Variants in FGFR3 observed in about 807,000 individuals in gnomAD.
FGFR3 encodes the protein fibroblast growth factor receptor 3.
Under a neutral mutation model 82.9 loss-of-function variants are expected in FGFR3, and 25 were observed. The observed-to-expected ratio is 0.30, with a 90% confidence interval of 0.22 to 0.42. The LOEUF is 0.42. FGFR3 is among the 10% of genes least tolerant of loss of function. The pLI is 1.00. For synonymous variants in FGFR3, 620 were observed against 516.0 expected, an observed-to-expected ratio of 1.20 and a Z score of -2.73; for missense variants, 1,026 against 1,161.0, an observed-to-expected ratio of 0.88 and a Z score of 1.69.
In FGFR3 at chr4:1,799,250, A is replaced by G. The variant is rs1720893959; in HGVS notation, c.110-4A>G. The G allele has an allele frequency of 1.9e-6, 3 of 1,612,236 alleles. No individual in the cohort carries two copies. Among genetic ancestry groups the G allele is most frequent in the Non-Finnish European group, 2.5e-6 (3 of 1,179,926 alleles). On this transcript the variant is annotated splice_polypyrimidine_tract_variant and splice_region_variant and intron_variant, in intron 2 of 17. Transcript: ENST00000440486. ...TGCCTCATGGTTGCCCATCTTCCCCACAGAAGTCCCGGGCCCAGAGCCCGG... is the reference window on the plus strand; with the variant it reads ...TGCCTCATGGTTGCCCATCTTCCCCGCAGAAGTCCCGGGCCCAGAGCCCGG...
intron 7 of FGFR3, 97 bp from the exon 8 acceptor site, chr4:1,803,595 G>A (rs879076484): frequency 1.8e-5 from 28 of 1,535,240 alleles, no homozygotes; most frequent in South Asian, 8.3e-5. Context: ...TGGTGGCGGC[G>A]TTTTCCTTGC....
Position 1,805,460 on chromosome 4 carries a change from C to T in FGFR3, c.1518C>T (p.Ala506=), listed in dbSNP as rs147823561. The part of the protein sequence containing the change: ...KDRAAKPVTV[A]VKMLKDDATD... ...GGGCCGCCAAGCCTGTCACCGTAGC[C>T]GTGAAGATGCTGAAAGGTGAGGAGG... is the stretch of plus-strand genomic sequence containing the variant. The change falls in exon 11 of 18, where the codon GCC becomes GCT. Residue 506 remains alanine (A), a synonymous_variant. Transcript: ENST00000440486. 57 of 1,612,052 alleles carry T rather than the reference C, an allele frequency of 3.5e-5. No individual in the cohort carries two copies. The highest frequency in any genetic ancestry group is 5.5e-5 in the South Asian group (5 of 91,028).
At chr4:1,807,093 C>T (rs1172203059) in intron 17 of FGFR3, 23 bp from the exon 18 acceptor site, 1 of 1,561,464 alleles carries the variant, frequency 6.4e-7, no homozygotes, top group Non-Finnish European at 8.7e-7. Flanking sequence ...TGGCACAGCG[C>T]TCACCCCGCC....
intron 9 of FGFR3, 26 bp from the exon 10 acceptor site, chr4:1,804,798 C>T: frequency 1.9e-6 from 3 of 1,549,118 alleles, no homozygotes; most frequent in Non-Finnish European, 2.6e-6. Flanking sequence ...CACGCGGCGC[C>T]AACCTGCCCC....
chr4:1,805,425 G>C lies in FGFR3; in HGVS notation c.1483G>C (p.Asp495His), dbSNP rs1721762254. The change falls in exon 11 of 18, where the codon GAC becomes CAC. Residue 495 changes from aspartate (D) to histidine (H), a missense_variant. This residue lies in a region of FGFR3 where 22 missense variants were observed against 52.8 expected (regional missense o/e 0.42). Coordinates refer to ENST00000440486, the MANE Select transcript of FGFR3 (RefSeq NM_000142.5). ...GGTCATGGCGGAGGCCATCGGCATT[G>C]ACAAGGACCGGGCCGCCAAGCCTGT... The part of the protein sequence containing the change: ...QVVMAEAIGI[D>H]KDRAAKPVTV... 1.9e-6 allele frequency: 3 copies of C among 1,612,082 alleles called. No homozygotes were observed. The African/African-American group carries it at 4.0e-5, about 22-fold the overall frequency.
rs763406515 is a variant in FGFR3, at chr4:1,799,335, C to T, written c.191C>T (p.Pro64Leu). ...GDAVELSCPP[P>L]GGGPMGPTVW... is the part of the protein sequence containing the mutation. ...GCTGTGGAGCTGAGCTGTCCCCCGC[C>T]CGGGGGTGGTCCCATGGGGCCCACT... The change falls in exon 3 of 18, where the codon CCC becomes CTC. Residue 64 changes from proline (P) to leucine (L), a missense_variant. Pro to Leu is a moderately conservative substitution (Grantham distance 98). This residue lies in a region of FGFR3 where 226 missense variants were observed against 222.0 expected (regional missense o/e 1.02). Transcript: ENST00000440486. 2 of 1,612,588 alleles carry T rather than the reference C, an allele frequency of 1.2e-6. No individual in the cohort carries two copies. Among genetic ancestry groups the T allele is most frequent in the Non-Finnish European group, 1.7e-6 (2 of 1,179,900 alleles).
chr4:1,807,640 A>G lies in FGFR3; in HGVS notation c.*378A>G. ...TGGCTCCGGCCTCTGCCTTTGCACC[A>G]CGGGACATCACAGGGTGGGCCTCGG... On this transcript the variant is annotated 3_prime_UTR_variant, in exon 18 of 18. Transcript: ENST00000440486. 1.6e-6 allele frequency: 1 copy of G among 638,574 alleles called. No individual in the cohort carries two copies. Among genetic ancestry groups the G allele is most frequent in the South Asian group, 1.4e-5 (1 of 72,644 alleles). The allele number at this position is 638,574 out of a possible 1,614,324, so 39.6% of individuals were successfully genotyped here.
rs757714095 is a variant in FGFR3 at position 1,806,003 on chromosome 4, CG to C, written c.1837-44del. The C allele has an allele frequency of 2.4e-5, 39 of 1,611,588 alleles. No individual in the cohort carries two copies. The South Asian group carries it at 4.2e-4, about 17-fold the overall frequency. On this transcript the variant is annotated intron_variant, in intron 13 of 17. Transcript: ENST00000440486. The stretch of plus-strand genomic sequence containing the variant: ...CCCTGCCCTGAGATGCTGGGAGCAG[CG>C]GGGAGAGGTGGAGAGGCTTCAGCCC...
chr4:1,804,715 G>A, intron 9 of FGFR3, 109 bp from the exon 10 acceptor site: 1 of 1,447,222 alleles, frequency 6.9e-7, no homozygotes. Context: ...TTCATTCAAT[G>A]CTGGTGGAAG....
intron 2 of FGFR3, among the ~76,000 whole-genome samples, chr4:1,795,473 A>G (rs1334956751): frequency 6.6e-6 from 1 of 151,146 alleles, no homozygotes; most frequent in Admixed American, 6.6e-5. Context: ...CTGGTGAAAC[A>G]GGTAGTGAGT....
At chr4:1,803,154 G>C in intron 7 of FGFR3, 1 of 1,358,530 alleles carries the variant, frequency 7.4e-7, no homozygotes, top group Non-Finnish European at 9.6e-7. Flanking sequence ...GCCCAGCCCT[G>C]CTCGCTCCCG....
intron 2 of FGFR3, among the ~76,000 whole-genome samples, chr4:1,798,321 G>T (rs1577264217): frequency 1.3e-5 from 2 of 151,874 alleles, no homozygotes; most frequent in Admixed American, 6.5e-5. Context: ...CTGTGAGGGG[G>T]CCCCAGTCCC....
rs104886004 is a variant in FGFR3 at position 1,806,101 on chromosome 4, C to A, written c.1887C>A (p.Asn629Lys). ...GCAATGTGCTGGTGACCGAGGACAA[C>A]GTGATGAAGATCGCAGACTTCGGGC... ...AARNVLVTEDNVMKIADFGLA... is the reference protein window; with the variant it reads ...AARNVLVTEDKVMKIADFGLA... The change falls in exon 14 of 18, where the codon AAC becomes AAA. Residue 629 changes from asparagine to lysine, a missense_variant. Around this residue, in one of 9 missense-constraint regions of FGFR3, gnomAD observed 11 missense variants for 23.8 expected, o/e 0.46. Coordinates refer to ENST00000440486, the MANE Select transcript of FGFR3 (RefSeq NM_000142.5). 3.7e-6 allele frequency: 6 copies of A among 1,613,660 alleles called. No homozygotes were observed. The highest frequency in any genetic ancestry group is 5.1e-6 in the Non-Finnish European group (6 of 1,179,958).
chr4:1,799,135 G>A, intron 2 of FGFR3, 119 bp from the exon 3 acceptor site: 3 of 1,402,640 alleles, frequency 2.1e-6, no homozygotes, highest in Non-Finnish European at 2.0e-6. Flanking sequence ...GGTCTGGTGG[G>A]ACCCTGGATC....
rs773791381 is a variant in FGFR3 at position 1,799,420 on chromosome 4, G to A, written c.276G>A (p.Gln92=). 1.7e-5 allele frequency: 27 copies of A among 1,611,410 alleles called. No individual in the cohort carries two copies. Among genetic ancestry groups the A allele is most frequent in the Non-Finnish European group, 1.5e-5 (18 of 1,179,522 alleles). ...CGGAGCGTGTCCTGGTGGGGCCCCA[G>A]CGGCTGCAGGTGCTGAATGCCTCCC... ...VPSERVLVGP[Q]RLQVLNASHE... The change falls in exon 3 of 18, where the codon CAG becomes CAA. Residue 92 remains glutamine, a synonymous_variant. Transcript: ENST00000440486.
At chr4:1,796,076 C>T (rs1454652589) in intron 2 of FGFR3, among the ~76,000 whole-genome samples, 2 of 152,236 alleles carry the variant, frequency 1.3e-5, no homozygotes, top group Non-Finnish European at 2.9e-5. Flanking sequence ...TCCTGGAGGA[C>T]GGGGATCTAA....
chr4:1,802,985 C>T (rs774715658), intron 7 of FGFR3: 4 of 1,598,996 alleles, frequency 2.5e-6, no homozygotes, highest in South Asian at 1.1e-5. Flanking sequence ...GGGACGGGGG[C>T]GAGTACCTCT....
intron 9 of FGFR3, 45 bp downstream of exon 9, chr4:1,804,565 G>T: frequency 6.2e-7 from 1 of 1,604,038 alleles, no homozygotes; most frequent in Middle Eastern, 1.7e-4. Flanking sequence ...TGCCCGCCAG[G>T]CCTCCTGGAG....
At chr4:1,799,904 C>A in intron 4 of FGFR3, 92 bp downstream of exon 4, 1 of 1,445,452 alleles carries the variant, frequency 6.9e-7, no homozygotes, top group South Asian at 1.2e-5. Flanking sequence ...GGGACTAAGG[C>A]CCCGGAACAA....
Sources: gnomAD v4.1 joint callset for allele counts (sites outside exome capture counted in the v4.1 genomes callset) on GRCh38, gnomAD v4.1.1 for gene constraint, gnomAD v4.1.1 regional missense constraint, MANE v1.5 for transcripts, NCBI Gene and HGNC (gene_info 2026-07-23, HGNC 2026-07-21) for gene names.